CHIC2: variants seen among roughly 807,000 people sequenced by gnomAD.
CHIC2 encodes the protein cysteine-rich hydrophobic domain-containing protein 2.
In CHIC2, 14 loss-of-function variants were observed where a neutral mutation model predicts 25.9. The observed-to-expected ratio is 0.54, with a 90% confidence interval of 0.36 to 0.85. CHIC2 has a LOEUF of 0.85. Ranked by LOEUF, CHIC2 falls within the 40% of genes least tolerant of loss-of-function variation. The probability of loss-of-function intolerance (pLI) is 0.01; values close to 1 mark genes in which losing one functional copy is unlikely to be tolerated. For missense variants in CHIC2, 146 were observed against 202.0 expected (o/e 0.72, Z 1.68); for synonymous variants, 70 against 72.0 (o/e 0.97, Z 0.14).
At chr4:54,074,597 A>ACAC in the CHIC2 span, among the ~76,000 whole-genome samples, 15 of 139,600 alleles carry the variant, frequency 1.1e-4, no homozygotes, top group African/African-American at 3.4e-4. Flanking sequence ...ACAACACACA[A>ACAC]ACACACACAC....
chr4:54,068,166 T>A (rs531830424), upstream of CHIC2, among the ~76,000 whole-genome samples: 1 of 152,216 alleles, frequency 6.6e-6, no homozygotes, highest in South Asian at 2.1e-4. Flanking sequence ...CATCAGGAAC[T>A]GTGAGCTAAA....
chr4:54,039,514 G>C (rs1432684064), intron 3 of CHIC2, among the ~76,000 whole-genome samples: 1 of 152,184 alleles, frequency 6.6e-6, no homozygotes, highest in Non-Finnish European at 1.5e-5. Flanking sequence ...ACCACAATGA[G>C]ATGCTACTAT....
chr4:54,059,723 GAGA>G, intron 1 of CHIC2: 1 of 152,240 alleles, frequency 6.6e-6, no homozygotes, highest in South Asian at 2.1e-4. Flanking sequence ...CGGAGGTGCA[GAGA>G]AGAAAACAGT....
chr4:54,033,585 A>G (rs2110073171), intron 3 of CHIC2, among the ~76,000 whole-genome samples: 2 of 152,300 alleles, frequency 1.3e-5, no homozygotes, highest in African/African-American at 4.8e-5. Context: ...TGTTATACCT[A>G]GTAATTCTTC....
At chr4:54,026,318 G>A (rs1294941426) in intron 3 of CHIC2, among the ~76,000 whole-genome samples, 1 of 151,828 alleles carries the variant, frequency 6.6e-6, no homozygotes, top group African/African-American at 2.4e-5. Context: ...TCAGGAATTT[G>A]AGACCAGCCT....
intron 3 of CHIC2, among the ~76,000 whole-genome samples, chr4:54,045,955 C>A (rs1293049402): frequency 1.3e-5 from 2 of 152,184 alleles, no homozygotes; most frequent in Non-Finnish European, 2.9e-5. Flanking sequence ...AGCAAAGTCT[C>A]AGGATACAAA....
intron 5 of CHIC2, among the ~76,000 whole-genome samples, chr4:54,011,373 T>C (rs1293673355): frequency 6.6e-6 from 1 of 152,126 alleles, no homozygotes; most frequent in Non-Finnish European, 1.5e-5. Context: ...GCCTACAAAA[T>C]ATTCACTAGC....
intron 1 of CHIC2, among the ~76,000 whole-genome samples, chr4:54,053,954 C>T (rs915650488): frequency 1.4e-4 from 21 of 152,166 alleles, no homozygotes; most frequent in African/African-American, 4.6e-4. Flanking sequence ...CCATGCTGGG[C>T]TAATTTTTGT....
chr4:54,064,134 G>T lies in CHIC2; in HGVS notation c.119+48C>A, dbSNP rs1451752381. 2 of 1,517,558 alleles carry T rather than the reference G, an allele frequency of 1.3e-6. No individual in the cohort carries two copies. Among genetic ancestry groups the T allele is most frequent in the Admixed American group, 3.7e-5 (2 of 53,752 alleles). 94.0% of individuals were successfully genotyped at this position (1,517,558 alleles called of 1,614,324 possible). Reference sequence around the variant, plus strand: ...AACGGGGCTCCCGTGGAGTAACGGGGCCCACCCCAGCCCGCACCTCCCGCC... The same window carrying T: ...AACGGGGCTCCCGTGGAGTAACGGGTCCCACCCCAGCCCGCACCTCCCGCC... On this transcript the variant is annotated intron_variant, in intron 1 of 5. Coordinates refer to ENST00000263921, the MANE Select transcript of CHIC2 (RefSeq NM_012110.4). The surrounding 1 kb of genome is among the most constrained non-coding windows in gnomAD (Gnocchi z 4.2).
chr4:54,033,423 T>G (rs888958837), intron 3 of CHIC2, among the ~76,000 whole-genome samples: 1 of 152,212 alleles, frequency 6.6e-6, no homozygotes, highest in Non-Finnish European at 1.5e-5. Context: ...TTGAGAATTC[T>G]TTATATATTC....
intron 3 of CHIC2, among the ~76,000 whole-genome samples, chr4:54,045,065 C>G (rs1478326164): frequency 6.6e-6 from 1 of 152,292 alleles, no homozygotes; most frequent in Admixed American, 6.5e-5. Context: ...TGGATAAATT[C>G]CTCGACACAT....
chr4:54,075,787 C>A, the CHIC2 span, among the ~76,000 whole-genome samples: 9 of 152,244 alleles, frequency 5.9e-5, no homozygotes, highest in Non-Finnish European at 1.2e-4. Context: ...CTCCTGACCT[C>A]AAGGCCCGCC....
the CHIC2 span, among the ~76,000 whole-genome samples, chr4:54,076,296 T>A: frequency 6.6e-6 from 1 of 151,570 alleles, no homozygotes; most frequent in African/African-American, 2.4e-5. Context: ...AAAAAAAAAA[T>A]TAATTAATTA....
At chr4:54,078,656 C>T in the CHIC2 span, among the ~76,000 whole-genome samples, 1 of 151,994 alleles carries the variant, frequency 6.6e-6, no homozygotes, top group African/African-American at 2.4e-5. Flanking sequence ...GCTGGGATTA[C>T]AGGCATGCAC....
At chr4:54,079,113 A>G in the CHIC2 span, among the ~76,000 whole-genome samples, 1 of 151,984 alleles carries the variant, frequency 6.6e-6, no homozygotes, top group East Asian at 2.0e-4. Flanking sequence ...GCTACTCAGG[A>G]GGCTGAGGCA....
At chr4:54,042,933 G>T (rs1227580935) in intron 3 of CHIC2, among the ~76,000 whole-genome samples, 1 of 152,180 alleles carries the variant, frequency 6.6e-6, no homozygotes, top group African/African-American at 2.4e-5. Flanking sequence ...GGGACAAAGA[G>T]AATTTGATCA....
At position 54,064,211 on chromosome 4, in the gene CHIC2, C is replaced by T; in HGVS notation, c.90G>A (p.Val30=). The change falls in exon 1 of 6, where the codon GTG becomes GTA. Residue 30 remains valine, a synonymous_variant. Coordinates refer to ENST00000263921, the MANE Select transcript of CHIC2 (RefSeq NM_012110.4). This position sits in a 1 kb window ranked among gnomAD's most constrained non-coding sequence, Gnocchi z 4.2. ...EQLLKYSPDP[V]VVRGSGHVTV... Reference sequence around the variant, plus strand: ...TGACGTGACCGGAGCCGCGGACGACCACCGGGTCCGGCGAGTACTTGAGCA... The same window carrying T: ...TGACGTGACCGGAGCCGCGGACGACTACCGGGTCCGGCGAGTACTTGAGCA... The T allele has an allele frequency of 2.5e-6, 4 of 1,606,456 alleles. No individual in the cohort carries two copies. The highest frequency in any genetic ancestry group is 1.3e-5 in the African/African-American group (1 of 74,892).
At chr4:54,074,157 CA>C in the CHIC2 span, among the ~76,000 whole-genome samples, 37 of 140,924 alleles carry the variant, frequency 2.6e-4, no homozygotes, top group Admixed American at 4.2e-4. Context: ...GATTCCATCT[CA>C]AAAAAAAAAA....
chr4:54,043,149 C>A (rs894209159), intron 3 of CHIC2, among the ~76,000 whole-genome samples: 1 of 152,104 alleles, frequency 6.6e-6, no homozygotes, highest in Non-Finnish European at 1.5e-5. Context: ...CGGCCAGGCG[C>A]GGTGGCTCAC....
Sources: gnomAD v4.1 joint callset for allele counts (sites outside exome capture counted in the v4.1 genomes callset) on GRCh38, gnomAD v4.1.1 for gene constraint, Gnocchi (gnomAD v3.1) non-coding constraint, MANE v1.5 for transcripts, NCBI Gene and HGNC (gene_info 2026-07-23, HGNC 2026-07-21) for gene names.